Variants in GRID1 observed in about 807,000 individuals in gnomAD.
The protein encoded by GRID1 is glutamate ionotropic receptor delta type subunit 1.
In GRID1, 28 loss-of-function variants were observed where a neutral mutation model predicts 98.0. The ratio of observed to expected loss-of-function variants is 0.29; its 90% CI spans 0.21 to 0.39. GRID1 has a LOEUF of 0.39. Ranked by LOEUF, GRID1 falls within the 10% of genes least tolerant of loss-of-function variation. The pLI is 1.00. For synonymous variants in GRID1, 553 were observed against 538.5 expected, an observed-to-expected ratio of 1.03 and a Z score of -0.37; for missense variants, 1,111 against 1,340.5, an observed-to-expected ratio of 0.83 and a Z score of 2.67.
At chr10:86,292,476 G>C (rs895429104) in intron 2 of GRID1, among the ~76,000 whole-genome samples, 6 of 152,244 alleles carry the variant, frequency 3.9e-5, no homozygotes, top group Non-Finnish European at 8.8e-5. Context: ...AGCTCCTACA[G>C]CAATTGTTGG....
chr10:85,905,390 C>A (rs1392539305), intron 5 of GRID1, among the ~76,000 whole-genome samples: 1 of 151,786 alleles, frequency 6.6e-6, no homozygotes, highest in South Asian at 2.1e-4. Context: ...GGAAGTCTTT[C>A]AAGCAGAAGA....
intron 8 of GRID1, among the ~76,000 whole-genome samples, chr10:85,838,582 T>C (rs746171924): frequency 6.6e-6 from 1 of 151,834 alleles, no homozygotes; most frequent in Non-Finnish European, 1.5e-5. Context: ...CAAAGGAGCA[T>C]TTTCAGATAA....
At chr10:86,076,391 G>C (rs1270647063) in intron 4 of GRID1, among the ~76,000 whole-genome samples, 4 of 152,224 alleles carry the variant, frequency 2.6e-5, no homozygotes, top group African/African-American at 9.6e-5. Flanking sequence ...AGGCCAGCTG[G>C]TCTGGGGTAC....
At chr10:86,238,530 C>T (rs1426063558) in intron 2 of GRID1, among the ~76,000 whole-genome samples, 1 of 152,074 alleles carries the variant, frequency 6.6e-6, no homozygotes, top group East Asian at 1.9e-4. Context: ...ATTAGCTGGG[C>T]ATGGTGGCAC....
chr10:86,337,218 G>A (rs1047394690), intron 2 of GRID1, among the ~76,000 whole-genome samples: 4 of 152,088 alleles, frequency 2.6e-5, no homozygotes, highest in African/African-American at 9.7e-5. Flanking sequence ...CAGCAGGAAC[G>A]CAGCCCATCC....
At chr10:85,984,295 C>T (rs555006607) in intron 4 of GRID1, among the ~76,000 whole-genome samples, 2 of 152,330 alleles carry the variant, frequency 1.3e-5, no homozygotes, top group Admixed American at 6.5e-5. Flanking sequence ...AGAGACATAA[C>T]AGTTCTCCTT....
chr10:85,791,131 A>C (rs1034158265), intron 8 of GRID1, among the ~76,000 whole-genome samples: 1 of 152,186 alleles, frequency 6.6e-6, no homozygotes, highest in East Asian at 1.9e-4. Flanking sequence ...CTCAGGTCCG[A>C]GCAGAACACA....
At chr10:86,188,994 G>A (rs1276554500) in intron 3 of GRID1, among the ~76,000 whole-genome samples, 1 of 152,128 alleles carries the variant, frequency 6.6e-6, no homozygotes, top group African/African-American at 2.4e-5. Flanking sequence ...GGGCTCTCCT[G>A]ATCCACACCA....
At chr10:85,752,573 C>G (rs1398857283) in intron 8 of GRID1, among the ~76,000 whole-genome samples, 1 of 151,866 alleles carries the variant, frequency 6.6e-6, no homozygotes, top group Non-Finnish European at 1.5e-5. Context: ...ATTTCAAGAC[C>G]CAATATATAC....
chr10:86,091,632 C>T (rs894835983), intron 4 of GRID1, among the ~76,000 whole-genome samples: 2 of 152,118 alleles, frequency 1.3e-5, no homozygotes, highest in Admixed American at 6.5e-5. Context: ...CACAGTGCTA[C>T]AGCTGATGCT....
intron 5 of GRID1, among the ~76,000 whole-genome samples, chr10:85,878,172 T>G (rs1265314495): frequency 6.6e-6 from 1 of 152,094 alleles, no homozygotes; most frequent in Admixed American, 6.5e-5. Context: ...ACGGGGAGAA[T>G]GGAACCAAGT....
At chr10:86,141,554 G>T (rs1238422025) in intron 3 of GRID1, among the ~76,000 whole-genome samples, 1 of 152,240 alleles carries the variant, frequency 6.6e-6, no homozygotes, top group East Asian at 1.9e-4. Context: ...GGGCAGCTGT[G>T]CTGGGCACAT....
At chr10:85,843,304 T>C (rs942097424) in intron 8 of GRID1, among the ~76,000 whole-genome samples, 1 of 151,972 alleles carries the variant, frequency 6.6e-6, no homozygotes, top group East Asian at 1.9e-4. Context: ...AAATGGATTA[T>C]AGACTTAAAT....
intron 8 of GRID1, among the ~76,000 whole-genome samples, chr10:85,827,419 C>T (rs1302051823): frequency 6.6e-6 from 1 of 151,986 alleles, no homozygotes; most frequent in Non-Finnish European, 1.5e-5. Flanking sequence ...TTAAATCAGT[C>T]AGACAAAGAC....
chr10:85,653,342 G>A (rs1483394665), intron 12 of GRID1, among the ~76,000 whole-genome samples: 2 of 152,244 alleles, frequency 1.3e-5, no homozygotes, highest in South Asian at 2.1e-4. Flanking sequence ...AGCCATTGGA[G>A]TTGACATCTA....
intron 4 of GRID1, among the ~76,000 whole-genome samples, chr10:86,137,205 A>G (rs1469685774): frequency 6.6e-6 from 1 of 152,236 alleles, no homozygotes; most frequent in African/African-American, 2.4e-5. Context: ...AAAATGCATG[A>G]ATATGTGCAG....
At position 85,821,539 on chromosome 10, in the gene GRID1, A is replaced by AAAAAAAAAAAAGCAAACAAAC. The variant is rs770693495; in HGVS notation, c.1233+32956_1233+32957insGTTTGTTTGCTTTTTTTTTTT. Among the ~76,000 whole-genome samples the AAAAAAAAAAAAGCAAACAAAC allele has an allele frequency of 2.5e-3, 244 of 97,592 alleles. 17 individuals carry two copies. Among genetic ancestry groups the AAAAAAAAAAAAGCAAACAAAC allele is most frequent in the Non-Finnish European group, 3.3e-3 (152 of 45,662 alleles). 64.0% of individuals were successfully genotyped at this position (97,592 alleles called of 152,430 possible). A position where few individuals can be genotyped will look rare whatever the true frequency, so the allele number is the denominator to read the frequency against. ...CTCAAAAAAAAAAAAAAAAAAAAAAAAAAAAAGAAAACAGATCAATAGTTG... is the reference window on the plus strand; with the variant it reads ...CTCAAAAAAAAAAAAAAAAAAAAAAAAAAAAAAAAAAGCAAACAAACAAAAAAGAAAACAGATCAATAGTTG... On this transcript the variant is annotated intron_variant, in intron 8 of 15. Transcript: ENST00000327946.
intron 8 of GRID1, among the ~76,000 whole-genome samples, chr10:85,766,766 G>A (rs1206055841): frequency 6.6e-6 from 1 of 151,590 alleles, no homozygotes; most frequent in Non-Finnish European, 1.5e-5. Context: ...GTGTGTGTGT[G>A]TGTGTATGAT....
intron 2 of GRID1, among the ~76,000 whole-genome samples, chr10:86,269,813 C>T (rs756056705): frequency 3.9e-5 from 6 of 152,160 alleles, no homozygotes; most frequent in Non-Finnish European, 8.8e-5. Flanking sequence ...ATATGGGACC[C>T]ACATTTATTG....
Sources: allele counts gnomAD v4.1 joint callset (sites outside exome capture counted in the v4.1 genomes callset), GRCh38; gene constraint gnomAD v4.1.1; transcripts MANE v1.5; gene names NCBI Gene and HGNC (gene_info 2026-07-23, HGNC 2026-07-21).